The following ATP13A4 variants were observed in gnomAD, a reference collection of about 807,000 sequenced individuals.
ATP13A4 encodes probable cation-transporting ATPase 13A4.
Under a neutral mutation model 142.5 loss-of-function variants are expected in ATP13A4, and 114 were observed. The observed-to-expected ratio is 0.80, with a 90% CI of 0.69 to 0.93. The LOEUF is 0.93. Among genes scored for constraint, ATP13A4 ranks in the 40% least tolerant of loss-of-function variants. The pLI is 0.00. For synonymous variants in ATP13A4, 488 were observed against 514.8 expected, an observed-to-expected ratio of 0.95 and a Z score of 0.70; for missense variants, 1,392 against 1,454.0, an observed-to-expected ratio of 0.96 and a Z score of 0.69.
At chr3:193,488,120 C>T (rs765922999) in intron 7 of ATP13A4, among the ~76,000 whole-genome samples, 7 of 151,960 alleles carry the variant, frequency 4.6e-5, no homozygotes, top group Non-Finnish European at 7.4e-5. Context: ...AAAAATTAGC[C>T]GGGTGTGGTG....
At chr3:193,429,945 T>C (rs1576952066) in intron 25 of ATP13A4, among the ~76,000 whole-genome samples, 1 of 152,094 alleles carries the variant, frequency 6.6e-6, no homozygotes, top group East Asian at 1.9e-4. Flanking sequence ...TTTTTCTCTG[T>C]TATATCTTGA....
At chr3:193,554,638 T>G in intron 1 of ATP13A4, 102 bp downstream of exon 1, 1 of 1,407,078 alleles carries the variant, frequency 7.1e-7, no homozygotes, top group Non-Finnish European at 1.0e-6. Flanking sequence ...AAAGTCTGTG[T>G]GTGTGTGATG....
At chr3:193,506,270 T>C (rs186966707) in intron 2 of ATP13A4, among the ~76,000 whole-genome samples, 41 of 152,328 alleles carry the variant, frequency 2.7e-4, no homozygotes, top group Admixed American at 2.0e-3. Context: ...TTTTAAATAA[T>C]TGGTTTATAA....
chr3:193,581,645 T>C (rs1724548548), intron 2 of ATP13A4: 1 of 152,146 alleles, frequency 6.6e-6, no homozygotes, highest in African/African-American at 2.4e-5. Flanking sequence ...GCAGGAATTA[T>C]TGAGGCGCCT....
intron 25 of ATP13A4, among the ~76,000 whole-genome samples, chr3:193,415,013 A>G (rs1298859459): frequency 1.3e-5 from 2 of 152,152 alleles, no homozygotes; most frequent in Non-Finnish European, 2.9e-5. Flanking sequence ...GAGGGATGAA[A>G]TATACTCTCT....
rs1714220850 is a variant in ATP13A4, at chr3:193,400,233, A to C, written c.*2419T>G. ...CCTTCAATTACTGCTTCTAAGATGT[A>C]GTTAATCCCAGGAATACAGTCTTCA... is the stretch of plus-strand genomic sequence containing the variant. On this transcript the variant is annotated 3_prime_UTR_variant, in exon 30 of 30. Coordinates refer to ENST00000342695, the MANE Select transcript of ATP13A4 (RefSeq NM_032279.4). Among the ~76,000 whole-genome samples, 1 of 152,206 alleles carries C rather than the reference A, an allele frequency of 6.6e-6. No individual in the cohort carries two copies. Among genetic ancestry groups the C allele is most frequent in the Non-Finnish European group, 1.5e-5 (1 of 68,032 alleles).
chr3:193,438,403 CCAGG>C (rs1716427657), intron 23 of ATP13A4, 68 bp downstream of exon 23: 3 of 1,299,406 alleles, frequency 2.3e-6, no homozygotes, highest in Admixed American at 1.8e-5. Flanking sequence ...CTAGTCTTTC[CCAGG>C]CAGAACAATG....
chr3:193,548,246 T>C (rs1436779042), intron 1 of ATP13A4, among the ~76,000 whole-genome samples: 2 of 152,168 alleles, frequency 1.3e-5, no homozygotes, highest in Non-Finnish European at 2.9e-5. Context: ...GCATCCCTGT[T>C]CTCAGAATGC....
At chr3:193,579,771 G>A (rs990047646) in intron 2 of ATP13A4, among the ~76,000 whole-genome samples, 2 of 152,138 alleles carry the variant, frequency 1.3e-5, no homozygotes, top group African/African-American at 4.8e-5. Flanking sequence ...TGGGTCTTGC[G>A]TCTCCTGCTC....
intron 1 of ATP13A4, among the ~76,000 whole-genome samples, chr3:193,538,301 G>A (rs1304241034): frequency 6.6e-6 from 1 of 152,110 alleles, no homozygotes; most frequent in Non-Finnish European, 1.5e-5. Flanking sequence ...TCCAGCAAGT[G>A]AAACTTCTTA....
intron 1 of ATP13A4, among the ~76,000 whole-genome samples, chr3:193,523,763 C>G (rs981161061): frequency 6.6e-6 from 1 of 152,108 alleles, no homozygotes; most frequent in Non-Finnish European, 1.5e-5. Flanking sequence ...TTGTCCCCAC[C>G]AAACTCACAT....
At chr3:193,500,354 G>T (rs1212727643) in intron 3 of ATP13A4, among the ~76,000 whole-genome samples, 1 of 151,674 alleles carries the variant, frequency 6.6e-6, no homozygotes, top group East Asian at 1.9e-4. Context: ...ATGGTCCTTA[G>T]CATCTCCTCT....
At position 193,442,546 on chromosome 3, in the gene ATP13A4, A is replaced by C; in HGVS notation, c.2163T>G (p.Leu721=). ...TTCTGGCCACTGTTATTGCAGTCTG[A>C]AGATTGTCACCTAGAGGAAAGGAGG... ...IRTVMITGDN[L]QTAITVARKS... is the part of the protein sequence containing the mutation. Residue 721 remains leucine (L), a synonymous_variant, in exon 19 of 30, where the codon CTT becomes CTG. Coordinates refer to ENST00000342695, the MANE Select transcript of ATP13A4 (RefSeq NM_032279.4). The C allele has an allele frequency of 6.2e-7, 1 of 1,613,716 alleles. No homozygotes were observed. The highest frequency in any genetic ancestry group is 8.5e-7 in the Non-Finnish European group (1 of 1,179,686).
At chr3:193,474,379 C>A (rs1299461690) in intron 8 of ATP13A4, among the ~76,000 whole-genome samples, 1 of 145,554 alleles carries the variant, frequency 6.9e-6, no homozygotes, top group Admixed American at 6.8e-5. Context: ...ACACAGTAGA[C>A]CCCATCTGTA....
chr3:193,584,233 A>G (rs1418292112), intron 1 of ATP13A4, among the ~76,000 whole-genome samples: 1 of 152,164 alleles, frequency 6.6e-6, no homozygotes, highest in African/African-American at 2.4e-5. Context: ...TTACATGTGG[A>G]AAGCGGAGGT....
intron 25 of ATP13A4, among the ~76,000 whole-genome samples, chr3:193,432,444 G>A (rs1716033685): frequency 1.3e-5 from 2 of 152,078 alleles, no homozygotes; most frequent in Non-Finnish European, 2.9e-5. Flanking sequence ...GCACACGGAT[G>A]TTTATAGCAG....
chr3:193,585,376 C>T (rs1390609402), intron 1 of ATP13A4, among the ~76,000 whole-genome samples: 1 of 152,030 alleles, frequency 6.6e-6, no homozygotes, highest in African/African-American at 2.4e-5. Flanking sequence ...GCTGAGATCG[C>T]GTCATTGCAC....
intron 1 of ATP13A4, among the ~76,000 whole-genome samples, chr3:193,592,834 G>A (rs977622029): frequency 1.4e-4 from 22 of 152,210 alleles, no homozygotes; most frequent in Non-Finnish European, 4.4e-5. Context: ...AAATGTGCAA[G>A]CATTAGTTTG....
At chr3:193,574,042 C>T (rs896278633) in intron 2 of ATP13A4, among the ~76,000 whole-genome samples, 2 of 152,038 alleles carry the variant, frequency 1.3e-5, no homozygotes, top group Admixed American at 6.6e-5. Flanking sequence ...TATATATGTG[C>T]ATATATGCAT....
Sources: allele counts gnomAD v4.1 joint callset (sites outside exome capture counted in the v4.1 genomes callset), GRCh38; gene constraint gnomAD v4.1.1; transcripts MANE v1.5; gene names NCBI Gene and HGNC (gene_info 2026-07-23, HGNC 2026-07-21).